The following BEAN1 variants were observed in gnomAD, a reference collection of about 807,000 sequenced individuals.
BEAN1 encodes the protein protein BEAN1.
In BEAN1, 17 loss-of-function variants were observed where a neutral mutation model predicts 17.7. The ratio of observed to expected loss-of-function variants is 0.96; its 90% CI spans 0.66 to 1.44. The LOEUF (loss-of-function observed/expected upper bound fraction) is 1.44. Among genes scored for constraint, BEAN1 ranks in the 40% most tolerant of loss-of-function variants. BEAN1 has a pLI of 0.00. For missense variants in BEAN1, 359 were observed against 374.1 expected (o/e 0.96, Z 0.33); for synonymous variants, 142 against 151.8 (o/e 0.94, Z 0.47).
intron 2 of BEAN1, among the ~76,000 whole-genome samples, chr16:66,461,919 TG>T (rs1289331439): frequency 1.3e-5 from 2 of 151,534 alleles, no homozygotes; most frequent in East Asian, 3.9e-4. Context: ...GGCTCAGGAG[TG>T]GTAGCAGGGA....
At chr16:66,484,772 T>C (rs558095906), downstream of BEAN1, 1 of 454,146 alleles carries the variant, frequency 2.2e-6, no homozygotes, top group South Asian at 1.6e-5. The surrounding 1 kb of genome is among the most constrained non-coding windows in gnomAD (Gnocchi z 4.2). Context: ...CTGGTGACTC[T>C]GAGACACAGA....
intron 2 of BEAN1, among the ~76,000 whole-genome samples, chr16:66,452,562 C>G (rs1962711709): frequency 6.6e-6 from 1 of 152,210 alleles, no homozygotes; most frequent in African/African-American, 2.4e-5. Context: ...GTGACATTTA[C>G]AGAGGTCAGG....
At chr16:66,470,159 A>T in intron 3 of BEAN1, 1 of 492,462 alleles carries the variant, frequency 2.0e-6, no homozygotes, top group Non-Finnish European at 3.6e-6. Flanking sequence ...GGGCTGGTCC[A>T]TCTGGTGTCT....
intron 1 of BEAN1, among the ~76,000 whole-genome samples, chr16:66,432,097 G>T (rs1392657641): frequency 6.6e-6 from 1 of 152,118 alleles, no homozygotes; most frequent in Non-Finnish European, 1.5e-5. Context: ...CAGTTTGAAG[G>T]CTGCCAAACA....
downstream of BEAN1, among the ~76,000 whole-genome samples, chr16:66,486,496 C>T (rs1227884589): frequency 6.6e-6 from 1 of 152,166 alleles, no homozygotes. Context: ...CTCAGGTGAT[C>T]TGCCTGCCTT....
chr16:66,475,213 G>T (rs1274573384), intron 3 of BEAN1, among the ~76,000 whole-genome samples: 1 of 152,168 alleles, frequency 6.6e-6, no homozygotes, highest in Non-Finnish European at 1.5e-5. Flanking sequence ...AAATGGGAGT[G>T]GCGGGTGCAG....
intron 2 of BEAN1, among the ~76,000 whole-genome samples, chr16:66,462,196 C>T (rs28695552): frequency 0.044 from 6,760 of 152,270 alleles, 404 homozygotes; most frequent in African/African-American, 0.14. Context: ...AAACTGACTC[C>T]ATTTGCCTAC....
intron 4 of BEAN1, among the ~76,000 whole-genome samples, chr16:66,478,672 G>T (rs1316723260): frequency 6.6e-6 from 1 of 152,150 alleles, no homozygotes; most frequent in Non-Finnish European, 1.5e-5. Flanking sequence ...ACACAGAAGT[G>T]CCAGTAAAAT....
chr16:66,446,869 G>C (rs1962475837), intron 2 of BEAN1, among the ~76,000 whole-genome samples: 1 of 152,148 alleles, frequency 6.6e-6, no homozygotes, highest in African/African-American at 2.4e-5. Flanking sequence ...TAGCTACCCT[G>C]ATTCTCAGCT....
At chr16:66,438,391 AAAT>A (rs1361300077) in intron 2 of BEAN1, among the ~76,000 whole-genome samples, 2 of 152,098 alleles carry the variant, frequency 1.3e-5, no homozygotes, top group African/African-American at 2.4e-5. Context: ...CTCAGAAAAC[AAAT>A]AATAATAACA....
chr16:66,484,793 C>A (rs1396319011), downstream of BEAN1: 4 of 453,990 alleles, frequency 8.8e-6, no homozygotes, highest in Non-Finnish European at 1.8e-5. This position sits in a 1 kb window ranked among gnomAD's most constrained non-coding sequence, Gnocchi z 4.2. Context: ...GTAGAACGCA[C>A]CTCAAAGTGA....
intron 2 of BEAN1, among the ~76,000 whole-genome samples, chr16:66,460,271 G>A (rs10431922): frequency 0.094 from 14,284 of 152,260 alleles, 866 homozygotes; most frequent in South Asian, 0.24. Context: ...TCTGTAAGAT[G>A]GAGGAAAGAC....
At chr16:66,439,254 A>G (rs1027666469) in intron 2 of BEAN1, among the ~76,000 whole-genome samples, 2 of 152,190 alleles carry the variant, frequency 1.3e-5, no homozygotes, top group African/African-American at 4.8e-5. Flanking sequence ...AGTGATGGAT[A>G]GCACAGGCTC....
intron 2 of BEAN1, among the ~76,000 whole-genome samples, chr16:66,440,255 A>T (rs12928953): frequency 1.7e-4 from 25 of 150,046 alleles, no homozygotes; most frequent in African/African-American, 5.7e-4. Flanking sequence ...TCAGCCTCCC[A>T]AGTAGCTGGG....
At chr16:66,438,583 C>G (rs754544607) in intron 2 of BEAN1, among the ~76,000 whole-genome samples, 2 of 152,138 alleles carry the variant, frequency 1.3e-5, no homozygotes, top group African/African-American at 2.4e-5. Context: ...TTCGCGGAAG[C>G]CTGTAGATGA....
intron 2 of BEAN1, among the ~76,000 whole-genome samples, chr16:66,466,074 A>G (rs758526488): frequency 3.9e-5 from 6 of 152,172 alleles, no homozygotes; most frequent in Admixed American, 6.5e-5. Flanking sequence ...TCGGCCTCCC[A>G]AAGTGCTGGG....
chr16:66,460,192 G>A (rs1963030345), intron 2 of BEAN1, among the ~76,000 whole-genome samples: 1 of 152,200 alleles, frequency 6.6e-6, no homozygotes, highest in African/African-American at 2.4e-5. Flanking sequence ...GCTGGAGAGT[G>A]CCAGTTCAGG....
At chr16:66,483,016 C>T (rs1964031935), downstream of BEAN1, 1 of 396,470 alleles carries the variant, frequency 2.5e-6, no homozygotes, top group Non-Finnish European at 4.9e-6. Context: ...ACCACCATAC[C>T]CAGCTAATTT....
chr16:66,471,934 TGGA>T lies in BEAN1; in HGVS notation c.289+2073_289+2075del, dbSNP rs1963498171. Among the ~76,000 whole-genome samples, 1 of 152,212 alleles carries T rather than the reference TGGA, an allele frequency of 6.6e-6. No homozygotes were observed. The highest frequency in any genetic ancestry group is 1.5e-5 in the Non-Finnish European group (1 of 68,018). ...AAGAGAAACCCAGGTCCCCAAGCCCTGGAGGATGCCGGGTAGACCCAGGATGGT... is the reference window on the plus strand; with the variant it reads ...AAGAGAAACCCAGGTCCCCAAGCCCTGGATGCCGGGTAGACCCAGGATGGT... On this transcript the variant is annotated intron_variant, in intron 3 of 4. Transcript: ENST00000536005. This position sits in a 1 kb window ranked among gnomAD's most constrained non-coding sequence, Gnocchi z 4.7.
Sources: allele counts gnomAD v4.1 joint callset (sites outside exome capture counted in the v4.1 genomes callset), GRCh38; gene constraint gnomAD v4.1.1; non-coding constraint Gnocchi (gnomAD v3.1); transcripts MANE v1.5; gene names NCBI Gene and HGNC (gene_info 2026-07-23, HGNC 2026-07-21).